Variants in IGFBP7 observed in about 807,000 individuals in gnomAD.
The protein encoded by IGFBP7 is insulin like growth factor binding protein 7.
In IGFBP7, 31 loss-of-function variants were observed where a neutral mutation model predicts 29.4. That is an observed-to-expected ratio of 1.05 (90% CI 0.79 to 1.42). IGFBP7 has a LOEUF of 1.42. IGFBP7 is among the 40% of genes most tolerant of loss of function. The pLI, the probability that IGFBP7 is intolerant of heterozygous loss-of-function variation, is 0.00. For synonymous variants in IGFBP7, 172 were observed against 174.9 expected (o/e 0.98, Z 0.13); for missense variants, 393 against 395.5 (o/e 0.99, Z 0.05).
chr4:57,078,661 T>C (rs73242637), intron 1 of IGFBP7, among the ~76,000 whole-genome samples: 9,169 of 150,300 alleles, frequency 0.061, 297 homozygotes, highest in African/African-American at 0.085. Flanking sequence ...TAAATATGCA[T>C]TTCCCATTCA....
At chr4:57,059,800 AATC>A (rs1483942805) in intron 1 of IGFBP7, among the ~76,000 whole-genome samples, 2 of 152,246 alleles carry the variant, frequency 1.3e-5, no homozygotes, top group Non-Finnish European at 2.9e-5. Flanking sequence ...AATGTCATCT[AATC>A]ATCATCAACT....
chr4:57,048,628 T>C (rs1179932515), intron 1 of IGFBP7, among the ~76,000 whole-genome samples: 1 of 152,196 alleles, frequency 6.6e-6, no homozygotes, highest in Non-Finnish European at 1.5e-5. Flanking sequence ...TTCCAGCTGA[T>C]TTTATATAAA....
intron 1 of IGFBP7, among the ~76,000 whole-genome samples, chr4:57,074,730 C>T (rs368519968): frequency 3.2e-4 from 49 of 152,268 alleles, no homozygotes; most frequent in African/African-American, 1.2e-3. Flanking sequence ...TTAAGTCTTT[C>T]AATTAAAAGA....
chr4:57,044,153 G>C (rs11573105), intron 1 of IGFBP7, among the ~76,000 whole-genome samples: 4,098 of 152,286 alleles, frequency 0.027, 165 homozygotes, highest in African/African-American at 0.086. Flanking sequence ...GAGGATCTGA[G>C]GGCCTCAGCC....
intron 1 of IGFBP7, among the ~76,000 whole-genome samples, chr4:57,097,351 T>C (rs993624271): frequency 2.0e-5 from 3 of 152,234 alleles, no homozygotes; most frequent in African/African-American, 7.2e-5. Context: ...TTCCAAGAGA[T>C]GGGCAGAACT....
chr4:57,032,609 G>T, intron 3 of IGFBP7, 57 bp from the exon 4 acceptor site: 1 of 1,328,334 alleles, frequency 7.5e-7, no homozygotes, highest in South Asian at 1.2e-5. Context: ...TTTGTCAGTG[G>T]TTCCAGTGAG....
intron 1 of IGFBP7, among the ~76,000 whole-genome samples, chr4:57,044,859 C>G (rs1329246468): frequency 6.6e-6 from 1 of 152,278 alleles, no homozygotes; most frequent in African/African-American, 2.4e-5. Flanking sequence ...CACTCTAGGA[C>G]AAGTAAGAAT....
chr4:57,037,093 CTTAACATAGG>C, intron 2 of IGFBP7, among the ~76,000 whole-genome samples: 1 of 152,262 alleles, frequency 6.6e-6, no homozygotes, highest in South Asian at 2.1e-4. Flanking sequence ...AGTGTGATGC[CTTAACATAGG>C]TTCTGTTCTA....
chr4:57,032,964 A>G (rs1299306441), intron 3 of IGFBP7, among the ~76,000 whole-genome samples: 4 of 152,252 alleles, frequency 2.6e-5, no homozygotes, highest in Non-Finnish European at 4.4e-5. Context: ...TTGAACTCTT[A>G]GGAAAATACT....
chr4:57,049,608 C>T (rs1302600409), intron 1 of IGFBP7, among the ~76,000 whole-genome samples: 1 of 152,180 alleles, frequency 6.6e-6, no homozygotes, highest in Non-Finnish European at 1.5e-5. Flanking sequence ...TGCGGCCTGA[C>T]AGCTTCAGGC....
intron 1 of IGFBP7, among the ~76,000 whole-genome samples, chr4:57,050,285 C>T (rs1227505338): frequency 6.7e-6 from 1 of 148,454 alleles, no homozygotes. Flanking sequence ...CGCTCTTTCG[C>T]TCAGGCAGGA....
chr4:57,031,342 T>TA lies in IGFBP7; in HGVS notation c.830-7dup, dbSNP rs753927314. ...TTATAGCTCGGCACCTTCACCTGTT[T>TA]AAAAAAAAAAAAAGATAAAAATTAG... On this transcript the variant is annotated splice_region_variant and splice_polypyrimidine_tract_variant and intron_variant, in intron 4 of 4. Transcript: ENST00000295666. 55,777 of 1,152,358 alleles carry TA rather than the reference T, an allele frequency of 0.048. 52 individuals are homozygous for TA. The highest frequency in any genetic ancestry group is 0.064 in the African/African-American group (4,048 of 63,428). The allele number at this position is 1,152,358 out of a possible 1,614,324, so 71.4% of individuals were successfully genotyped here.
chr4:57,037,028 A>G (rs1410214367), intron 2 of IGFBP7, among the ~76,000 whole-genome samples: 1 of 152,250 alleles, frequency 6.6e-6, no homozygotes, highest in Non-Finnish European at 1.5e-5. Flanking sequence ...GGACCAAACT[A>G]TCGTATATCT....
intron 1 of IGFBP7, among the ~76,000 whole-genome samples, chr4:57,043,382 G>C (rs529707216): frequency 6.6e-6 from 1 of 152,274 alleles, no homozygotes; most frequent in South Asian, 2.1e-4. Context: ...AAACTGCAGG[G>C]TCATCTTGCA....
chr4:57,049,176 C>T (rs902160696), intron 1 of IGFBP7, among the ~76,000 whole-genome samples: 3 of 150,610 alleles, frequency 2.0e-5, no homozygotes, highest in Non-Finnish European at 4.4e-5. Flanking sequence ...TCACCCTTTA[C>T]CCAGTTAGCC....
intron 1 of IGFBP7, among the ~76,000 whole-genome samples, chr4:57,055,956 T>G (rs972017173): frequency 6.6e-6 from 1 of 152,064 alleles, no homozygotes; most frequent in East Asian, 1.9e-4. Flanking sequence ...GCGCAGGGCG[T>G]GATGGCTGCT....
chr4:57,058,126 A>G (rs375422603), intron 1 of IGFBP7, among the ~76,000 whole-genome samples: 72 of 132,224 alleles, frequency 5.4e-4, no homozygotes, highest in African/African-American at 1.8e-3. Context: ...GAGCATTTTA[A>G]CTTACAAAAA....
chr4:57,089,256 T>C (rs1035792113), intron 1 of IGFBP7, among the ~76,000 whole-genome samples: 2 of 152,232 alleles, frequency 1.3e-5, no homozygotes, highest in Admixed American at 1.3e-4. Flanking sequence ...AAAGTAGACT[T>C]TTTTAAAGCA....
At chr4:57,081,427 C>A (rs1323397659) in intron 1 of IGFBP7, among the ~76,000 whole-genome samples, 1 of 152,126 alleles carries the variant, frequency 6.6e-6, no homozygotes. Flanking sequence ...ATTTTCCCCT[C>A]AGAAAGGAAA....
Sources: gnomAD v4.1 joint callset for allele counts (sites outside exome capture counted in the v4.1 genomes callset) on GRCh38, gnomAD v4.1.1 for gene constraint, MANE v1.5 for transcripts, NCBI Gene and HGNC (gene_info 2026-07-23, HGNC 2026-07-21) for gene names.